Variants in BNIP5 observed in about 807,000 individuals in gnomAD.
BNIP5 encodes the protein protein BNIP5.
BNIP5 carries 61 observed loss-of-function variants against 67.3 expected under a neutral mutation model. The ratio of observed to expected loss-of-function variants is 0.91; its 90% CI spans 0.74 to 1.12. The LOEUF (loss-of-function observed/expected upper bound fraction) is 1.12, where lower values mean the gene tolerates loss of function less well. Among genes scored for constraint, BNIP5 ranks in the 50% most tolerant of loss-of-function variants. BNIP5 has a pLI of 0.00. For synonymous variants in BNIP5, 317 were observed against 319.0 expected, an observed-to-expected ratio of 0.99 and a Z score of 0.07; for missense variants, 826 against 816.3, an observed-to-expected ratio of 1.01 and a Z score of -0.14.
intron 1 of BNIP5, among the ~76,000 whole-genome samples, chr6:36,336,405 T>C (rs947994182): frequency 6.6e-6 from 1 of 152,178 alleles, no homozygotes; most frequent in South Asian, 2.1e-4. Flanking sequence ...TGAAGTTCCT[T>C]GCTCAGGGTG....
At chr6:36,329,459 G>A (rs888311312) in intron 2 of BNIP5, among the ~76,000 whole-genome samples, 23 of 152,284 alleles carry the variant, frequency 1.5e-4, no homozygotes, top group Non-Finnish European at 1.9e-4. Context: ...TGTGAACGGC[G>A]GCACTGTGAG....
chr6:36,319,693 C>T, intron 10 of BNIP5, 83 bp from the exon 11 acceptor site: 1 of 1,498,850 alleles, frequency 6.7e-7, no homozygotes, highest in Admixed American at 1.8e-5. Flanking sequence ...CTCCATGCAG[C>T]CAGGCGGGGC....
intron 1 of BNIP5, among the ~76,000 whole-genome samples, chr6:36,331,987 C>G (rs1771917451): frequency 6.6e-6 from 1 of 152,190 alleles, no homozygotes; most frequent in Non-Finnish European, 1.5e-5. Context: ...TCCCTGCTCT[C>G]CTCTTGCCCT....
At chr6:36,325,202 G>A (rs1286866672) in intron 6 of BNIP5, 81 bp downstream of exon 6, 2 of 1,479,744 alleles carry the variant, frequency 1.4e-6, no homozygotes, top group African/African-American at 2.8e-5. Context: ...GCCTCTCTCT[G>A]GCTCAGTGTC....
chr6:36,336,304 C>A (rs1201962671), intron 1 of BNIP5, among the ~76,000 whole-genome samples: 1 of 152,194 alleles, frequency 6.6e-6, no homozygotes, highest in Non-Finnish European at 1.5e-5. Context: ...AAGTCTATAA[C>A]TTGACCTCTA....
At chr6:36,335,375 G>C (rs1479577961) in intron 1 of BNIP5, among the ~76,000 whole-genome samples, 1 of 152,182 alleles carries the variant, frequency 6.6e-6, no homozygotes, top group South Asian at 2.1e-4. Flanking sequence ...CTGAGGGACA[G>C]AGTGTGTGGC....
chr6:36,334,215 C>T (rs1320348174), intron 1 of BNIP5, among the ~76,000 whole-genome samples: 2 of 152,214 alleles, frequency 1.3e-5, no homozygotes, highest in Non-Finnish European at 2.9e-5. Flanking sequence ...TGGCCGCTCC[C>T]TCCCTGGAAT....
intron 1 of BNIP5, among the ~76,000 whole-genome samples, chr6:36,332,690 A>G (rs566172391): frequency 6.6e-6 from 1 of 151,218 alleles, no homozygotes; most frequent in Admixed American, 6.6e-5. Flanking sequence ...GCAGCGGCCA[A>G]TGAAAAATGA....
chr6:36,320,694 G>T (rs1432272221), intron 10 of BNIP5, among the ~76,000 whole-genome samples: 1 of 152,238 alleles, frequency 6.6e-6, no homozygotes, highest in Non-Finnish European at 1.5e-5. Flanking sequence ...GCCTATCAGG[G>T]GAGAAAATCA....
intron 5 of BNIP5, 113 bp from the exon 6 acceptor site, chr6:36,325,527 T>C: frequency 2.3e-6 from 3 of 1,308,274 alleles, no homozygotes; most frequent in Non-Finnish European, 3.2e-6. Context: ...CATTAAGGAC[T>C]TATGGGGCTG....
rs1483887596 is a variant in BNIP5, at chr6:36,330,638, G to C, written c.53C>G (p.Ser18Cys). Reference sequence around the variant, plus strand: ...CCCGGGGGCCTGCGGCCTGTCCAGAGACCTGGCTTTCTTCTCCGCCAGGGG... The same window carrying C: ...CCCGGGGGCCTGCGGCCTGTCCAGACACCTGGCTTTCTTCTCCGCCAGGGG... ...RRPLAEKKARSLDRPQAPGKG... is the reference protein window; with the variant it reads ...RRPLAEKKARCLDRPQAPGKG... The change falls in exon 2 of 12, where the codon TCT becomes TGT. Residue 18 changes from serine (S) to cysteine (C), a missense_variant. Coordinates refer to ENST00000437635, the MANE Select transcript of BNIP5 (RefSeq NM_001010903.5). The C allele has an allele frequency of 1.2e-6, 2 of 1,604,576 alleles. No individual in the cohort carries two copies. The highest frequency in any genetic ancestry group is 1.7e-5 in the Admixed American group (1 of 59,588).
chr6:36,330,416 G>A lies in BNIP5; in HGVS notation c.275C>T (p.Ser92Leu), dbSNP rs140376441. Residue 92 changes from serine (S) to leucine (L), a missense_variant, in exon 2 of 12, where the codon TCG (serine) becomes TTG (leucine). Ser to Leu is a moderately radical substitution (Grantham distance 145). Coordinates refer to ENST00000437635, the MANE Select transcript of BNIP5 (RefSeq NM_001010903.5). ...CAGCCACCCCTTCTTGGTGTCTTGC[G>A]AAGGCCTCTGCTCGCTGGGGAGAAA... ...GDFLPSEQRP[S>L]QDTKKGWLKT... The A allele has an allele frequency of 8.7e-6, 14 of 1,614,038 alleles. No individual in the cohort carries two copies. The highest frequency in any genetic ancestry group is 1.6e-4 in the Middle Eastern group (1 of 6,084).
At chr6:36,320,538 C>T (rs1771611478) in intron 10 of BNIP5, among the ~76,000 whole-genome samples, 1 of 152,170 alleles carries the variant, frequency 6.6e-6, no homozygotes, top group Non-Finnish European at 1.5e-5. Context: ...GATGGGCCAG[C>T]GTGCACTCTG....
intron 3 of BNIP5, 124 bp from the exon 4 acceptor site, chr6:36,327,218 A>C (rs1321882912): frequency 2.8e-5 from 23 of 827,466 alleles, no homozygotes; most frequent in Non-Finnish European, 2.0e-6. Context: ...AAAGCACCAC[A>C]TCCCAGGGGC....
rs937763655 is a variant in BNIP5 at position 36,316,934 on chromosome 6, G to A, written c.*422C>T. 1 of 416,616 alleles carries A rather than the reference G, an allele frequency of 2.4e-6. No homozygotes were observed. The highest frequency in any genetic ancestry group is 4.2e-6 in the Non-Finnish European group (1 of 236,808). The allele number at this position is 416,616 out of a possible 1,614,324, so 25.8% of individuals were successfully genotyped here. A position where few individuals can be genotyped will look rare whatever the true frequency, so the allele number is the denominator to read the frequency against. ...CATATCTGTTTGGATGCATGTGGATGTTCTGTTTAGAGATTAAATAAAAAT... is the reference window on the plus strand; with the variant it reads ...CATATCTGTTTGGATGCATGTGGATATTCTGTTTAGAGATTAAATAAAAAT... On this transcript the variant is annotated 3_prime_UTR_variant, in exon 12 of 12. Coordinates refer to ENST00000437635, the MANE Select transcript of BNIP5 (RefSeq NM_001010903.5).
intron 6 of BNIP5, 61 bp from the exon 7 acceptor site, chr6:36,324,251 CTTCA>C: frequency 6.8e-7 from 1 of 1,461,352 alleles, no homozygotes; most frequent in Non-Finnish European, 9.6e-7. Context: ...TGCGGTCAGT[CTTCA>C]TTTCCTAATG....
At chr6:36,327,272 C>T (rs36025092) in intron 3 of BNIP5, among the ~76,000 whole-genome samples, 178 bp from the exon 4 acceptor site, 1 of 152,240 alleles carries the variant, frequency 6.6e-6, no homozygotes, top group Admixed American at 6.5e-5. Flanking sequence ...GGGGAAGGCA[C>T]TAAGCCAAAT....
Position 36,330,166 on chromosome 6 carries a change from C to G in BNIP5, c.525G>C (p.Gln175His). 1 of 1,613,978 alleles carries G rather than the reference C, an allele frequency of 6.2e-7. No homozygotes were observed. The highest frequency in any genetic ancestry group is 8.5e-7 in the Non-Finnish European group (1 of 1,180,020). Residue 175 changes from glutamine (Q) to histidine (H), a missense_variant, in exon 2 of 12, where the codon CAG becomes CAC. Coordinates refer to ENST00000437635, the MANE Select transcript of BNIP5 (RefSeq NM_001010903.5). ...ACCCTTCCTCTCGGCCTCTGGCCTC[C>G]TGGTCTTGAGCTGCCTTAGTCACCT... Reference protein sequence around the residue: ...AAEVTKAAQDQEARGREEGLS... With the variant: ...AAEVTKAAQDHEARGREEGLS...
Position 36,325,406 on chromosome 6 carries a change from C to T in BNIP5, c.1045G>A (p.Glu349Lys). The change falls in exon 6 of 12, where the codon GAA becomes AAA. Residue 349 changes from glutamate to lysine, a missense_variant. Physicochemically the swap from Glu to Lys is moderately conservative, Grantham distance 56 (BLOSUM62 1). Coordinates refer to ENST00000437635, the MANE Select transcript of BNIP5 (RefSeq NM_001010903.5). ...GATGGGGCCTCCTGGACTTTAGGTT[C>T]TTCCAAGCCTGAGAAGCAGAAGGAG... ...PSISSSYGLEEPKVQEAPSTE... is the reference protein window; with the variant it reads ...PSISSSYGLEKPKVQEAPSTE... 6.2e-7 allele frequency: 1 copy of T among 1,609,752 alleles called. No homozygotes were observed. Among genetic ancestry groups the T allele is most frequent in the Non-Finnish European group, 8.5e-7 (1 of 1,178,400 alleles).
Sources: allele counts gnomAD v4.1 joint callset (sites outside exome capture counted in the v4.1 genomes callset), GRCh38; gene constraint gnomAD v4.1.1; transcripts MANE v1.5; gene names NCBI Gene and HGNC (gene_info 2026-07-23, HGNC 2026-07-21).